Variants in UBTD1 observed in about 807,000 individuals in gnomAD.
The protein encoded by UBTD1 is ubiquitin domain-containing protein 1.
A neutral mutation model predicts 21.7 loss-of-function variants in UBTD1; 19 were observed. The ratio of observed to expected loss-of-function variants is 0.87; its 90% confidence interval spans 0.61 to 1.28. The LOEUF (loss-of-function observed/expected upper bound fraction) is 1.28. Ranked by LOEUF, UBTD1 falls within the 50% of genes most tolerant of loss-of-function variation. The pLI, the probability that UBTD1 is intolerant of heterozygous loss-of-function variation, is 0.00. For synonymous variants in UBTD1, 116 were observed against 135.1 expected (o/e 0.86, Z 0.98); for missense variants, 282 against 315.1 (o/e 0.89, Z 0.80).
At chr10:97,504,911 G>A (rs1290389359) in intron 1 of UBTD1, among the ~76,000 whole-genome samples, 1 of 152,168 alleles carries the variant, frequency 6.6e-6, no homozygotes, top group African/African-American at 2.4e-5. Flanking sequence ...GACTCCTGTG[G>A]TTTGGGTGCC....
At chr10:97,521,978 T>C (rs1392405403) in intron 1 of UBTD1, among the ~76,000 whole-genome samples, 1 of 152,224 alleles carries the variant, frequency 6.6e-6, no homozygotes, top group Non-Finnish European at 1.5e-5. Flanking sequence ...TATGGTTAGC[T>C]TTGGATACAG....
At chr10:97,516,531 T>G (rs2040445205) in intron 1 of UBTD1, among the ~76,000 whole-genome samples, 2 of 151,216 alleles carry the variant, frequency 1.3e-5, no homozygotes, top group Admixed American at 6.6e-5. Context: ...ATCCCAGCAC[T>G]TTGGGAGGCT....
chr10:97,551,441 A>G (rs1022313445), intron 1 of UBTD1, among the ~76,000 whole-genome samples: 8 of 152,068 alleles, frequency 5.3e-5, no homozygotes, highest in African/African-American at 1.4e-4. Flanking sequence ...GCGGAAACGC[A>G]TGCTTTTTGT....
intron 1 of UBTD1, among the ~76,000 whole-genome samples, chr10:97,556,766 G>T (rs969993469): frequency 1.3e-5 from 2 of 152,166 alleles, no homozygotes; most frequent in African/African-American, 4.8e-5. Context: ...TAAGCTCTGT[G>T]TCCACATATC....
intron 1 of UBTD1, among the ~76,000 whole-genome samples, chr10:97,520,137 G>A (rs2040460917): frequency 6.6e-6 from 1 of 152,202 alleles, no homozygotes; most frequent in Non-Finnish European, 1.5e-5. Flanking sequence ...GATGGTGGTA[G>A]TACCTACCCT....
chr10:97,545,208 G>A (rs1484619579), intron 1 of UBTD1, among the ~76,000 whole-genome samples: 1 of 151,932 alleles, frequency 6.6e-6, no homozygotes, highest in African/African-American at 2.4e-5. Flanking sequence ...GGGCATGGTG[G>A]TAGGCGCCTG....
chr10:97,532,798 A>AAAAGAAAGAAAG (rs71007346), intron 1 of UBTD1, among the ~76,000 whole-genome samples: 4 of 148,942 alleles, frequency 2.7e-5, no homozygotes, highest in South Asian at 2.1e-4. Flanking sequence ...CTCAAAAAAA[A>AAAAGAAAGAAAG]AAAGAAAGAA....
intron 1 of UBTD1, among the ~76,000 whole-genome samples, chr10:97,544,439 A>G (rs2040599794): frequency 6.6e-6 from 1 of 152,194 alleles, no homozygotes; most frequent in African/African-American, 2.4e-5. Flanking sequence ...TTTCAGATCA[A>G]AATAATAATG....
intron 1 of UBTD1, among the ~76,000 whole-genome samples, chr10:97,554,246 C>CTT (rs1179625817): frequency 1.0e-5 from 1 of 96,378 alleles, no homozygotes; most frequent in Non-Finnish European, 2.2e-5. Flanking sequence ...TGTTTGTTTT[C>CTT]GTTTTTTTTT....
At chr10:97,556,914 A>G (rs1365407256) in intron 1 of UBTD1, among the ~76,000 whole-genome samples, 1 of 152,210 alleles carries the variant, frequency 6.6e-6, no homozygotes, top group Non-Finnish European at 1.5e-5. Context: ...TTGTGGTACC[A>G]TTTTACAGCT....
Position 97,499,104 on chromosome 10 carries a change from A to G in UBTD1, c.-100A>G. On this transcript the variant is annotated 5_prime_UTR_variant, in exon 1 of 3. It removes an upstream start codon present in the reference 5' UTR. Coordinates refer to ENST00000370664, the MANE Select transcript of UBTD1 (RefSeq NM_024954.5). Reference sequence around the variant, plus strand: ...CCGGGGGGAGATCGGGGAGCGCCCGATGCCGGGCGGCCGGAGCCATTGACC... The same window carrying G: ...CCGGGGGGAGATCGGGGAGCGCCCGGTGCCGGGCGGCCGGAGCCATTGACC... The G allele has an allele frequency of 1.5e-6, 2 of 1,348,608 alleles. No homozygotes were observed. The highest frequency in any genetic ancestry group is 2.0e-6 in the Non-Finnish European group (2 of 1,010,870). 83.5% of individuals were successfully genotyped at this position (1,348,608 alleles called of 1,614,324 possible). A position where few individuals can be genotyped will look rare whatever the true frequency, so the allele number is the denominator to read the frequency against.
intron 1 of UBTD1, among the ~76,000 whole-genome samples, chr10:97,532,515 A>G (rs10786354): frequency 0.91 from 136,727 of 151,052 alleles, 62,983 homozygotes; most frequent in Non-Finnish European, 0.99. Context: ...AGGCGAGGCT[A>G]GTGCGGTGGC....
chr10:97,501,999 A>T (rs963820337), intron 1 of UBTD1, among the ~76,000 whole-genome samples: 7 of 152,172 alleles, frequency 4.6e-5, no homozygotes, highest in Admixed American at 6.5e-5. Context: ...ACAGTCTTTT[A>T]TCAGCAACTA....
intron 1 of UBTD1, among the ~76,000 whole-genome samples, chr10:97,545,733 G>A (rs1157535480): frequency 6.6e-6 from 1 of 152,228 alleles, no homozygotes; most frequent in African/African-American, 2.4e-5. Flanking sequence ...GTCTGCCTGA[G>A]GACAGAACCT....
At chr10:97,552,083 TC>T (rs2135681098) in intron 1 of UBTD1, among the ~76,000 whole-genome samples, 1 of 152,092 alleles carries the variant, frequency 6.6e-6, no homozygotes, top group African/African-American at 2.4e-5. Context: ...AGCCCTCCTG[TC>T]TTTTTAATAT....
chr10:97,553,458 T>C (rs2040649929), intron 1 of UBTD1, among the ~76,000 whole-genome samples: 1 of 152,248 alleles, frequency 6.6e-6, no homozygotes, highest in Non-Finnish European at 1.5e-5. Context: ...ATGAAATTAA[T>C]ATGTTCATCA....
chr10:97,545,614 G>C (rs1253369288), intron 1 of UBTD1, among the ~76,000 whole-genome samples: 1 of 152,180 alleles, frequency 6.6e-6, no homozygotes, highest in Non-Finnish European at 1.5e-5. Flanking sequence ...TCCCTTAGAT[G>C]TGTGGCTGGG....
At chr10:97,537,029 T>C (rs888168193) in intron 1 of UBTD1, among the ~76,000 whole-genome samples, 9 of 151,206 alleles carry the variant, frequency 6.0e-5, no homozygotes, top group African/African-American at 2.2e-4. Context: ...CAACAAGGGG[T>C]GTGGTGGGGA....
chr10:97,567,242 T>A lies in UBTD1; in HGVS notation c.71-672T>A, dbSNP rs916601758. 2.6e-5 allele frequency among the ~76,000 whole-genome samples: 4 copies of A among 151,074 alleles called. No individual in the cohort carries two copies. The East Asian group carries it at 5.9e-4, about 22-fold the overall frequency. ...CGTGCCATCATGCCTGGCTAATTTTTAAAATTTTTTTGTAGAAACAGGGTT... is the reference window on the plus strand; with the variant it reads ...CGTGCCATCATGCCTGGCTAATTTTAAAAATTTTTTTGTAGAAACAGGGTT... On this transcript the variant is annotated intron_variant, in intron 1 of 2. Coordinates refer to ENST00000370664, the MANE Select transcript of UBTD1 (RefSeq NM_024954.5).
Sources: gnomAD v4.1 joint callset for allele counts (sites outside exome capture counted in the v4.1 genomes callset) on GRCh38, gnomAD v4.1.1 for gene constraint, MANE v1.5 for transcripts, NCBI Gene and HGNC (gene_info 2026-07-23, HGNC 2026-07-21) for gene names.